Variants in IL18 observed in about 807,000 individuals in gnomAD.
IL18 encodes the protein interleukin 18, also known as interleukin-18.
In IL18, 8 loss-of-function variants were observed where a neutral mutation model predicts 14.2. That is an observed-to-expected ratio of 0.56 (90% CI 0.33 to 1.01). The LOEUF (loss-of-function observed/expected upper bound fraction) is 1.01, where lower values mean the gene tolerates loss of function less well. IL18 is among the 50% of genes least tolerant of loss of function. IL18 has a pLI of 0.03. For missense variants in IL18, 166 were observed against 231.1 expected (o/e 0.72, Z 1.83); for synonymous variants, 67 against 71.0 (o/e 0.94, Z 0.28).
intron 1 of IL18, 147 bp downstream of exon 1, chr11:112,163,759 C>T (rs1392830066): frequency 6.6e-6 from 1 of 152,280 alleles, no homozygotes; most frequent in African/African-American, 2.4e-5. Flanking sequence ...AAATTCTACT[C>T]TGACTTTGCT....
chr11:112,155,207 C>T, intron 1 of IL18, 146 bp from the exon 2 acceptor site: 1 of 530,310 alleles, frequency 1.9e-6, no homozygotes, highest in Non-Finnish European at 3.4e-6. Context: ...GAAGTTTCAG[C>T]TTATGAATAC....
chr11:112,148,386 T>C (rs1401602774), intron 5 of IL18, among the ~76,000 whole-genome samples: 1 of 152,206 alleles, frequency 6.6e-6, no homozygotes, highest in East Asian at 1.9e-4. Flanking sequence ...AGAAAAACCA[T>C]CATTATCACA....
intron 5 of IL18, among the ~76,000 whole-genome samples, chr11:112,146,899 T>C: frequency 6.7e-6 from 1 of 148,236 alleles, no homozygotes; most frequent in Admixed American, 6.7e-5. Context: ...TGAATTAAAT[T>C]ATTAAGCTTA....
intron 5 of IL18, among the ~76,000 whole-genome samples, chr11:112,144,979 TGGGCAC>T (rs1431773105): frequency 6.6e-6 from 1 of 152,246 alleles, no homozygotes; most frequent in African/African-American, 2.4e-5. Context: ...TCAGAACATG[TGGGCAC>T]CACCTAAGGT....
At chr11:112,159,526 G>A (rs937354155) in intron 1 of IL18, among the ~76,000 whole-genome samples, 1 of 152,164 alleles carries the variant, frequency 6.6e-6, no homozygotes, top group Admixed American at 6.6e-5. Context: ...ACAGAAGAAG[G>A]AGGAACTGAG....
At chr11:112,148,512 A>C (rs1379692790) in intron 5 of IL18, 91 bp downstream of exon 5, 13 of 654,172 alleles carry the variant, frequency 2.0e-5, no homozygotes, top group Non-Finnish European at 2.7e-5. Context: ...TTCTAATTAC[A>C]TTACTTATAT....
rs201790534 is a variant in IL18, at chr11:112,154,968, G to A, written c.79+7C>T. On this transcript the variant is annotated splice_region_variant and intron_variant, in intron 2 of 5. Transcript: ENST00000280357. ...ACCTGGTATTTGTTCTATGGCATTAGCCTTACCTATAAAGTAAAGCGTATT... is the reference window on the plus strand; with the variant it reads ...ACCTGGTATTTGTTCTATGGCATTAACCTTACCTATAAAGTAAAGCGTATT... 4.5e-6 allele frequency: 7 copies of A among 1,564,314 alleles called. No homozygotes were observed. The highest frequency in any genetic ancestry group is 5.3e-6 in the Non-Finnish European group (6 of 1,135,292).
chr11:112,147,849 A>G (rs1474668856), intron 5 of IL18, among the ~76,000 whole-genome samples: 1 of 152,152 alleles, frequency 6.6e-6, no homozygotes, highest in Non-Finnish European at 1.5e-5. Flanking sequence ...TTCTCCTCTG[A>G]AGCATTGCCA....
At chr11:112,157,033 C>A (rs1397740535) in intron 1 of IL18, among the ~76,000 whole-genome samples, 1 of 151,990 alleles carries the variant, frequency 6.6e-6, no homozygotes, top group African/African-American at 2.4e-5. Flanking sequence ...AAAATCAGAA[C>A]AATAATGACT....
chr11:112,162,994 AT>A (rs1364294997), intron 1 of IL18, among the ~76,000 whole-genome samples: 2 of 152,108 alleles, frequency 1.3e-5, no homozygotes, highest in Non-Finnish European at 2.9e-5. Flanking sequence ...CTGGTCTCAA[AT>A]TCCTGGGCTC....
chr11:112,143,456 A>AT lies in IL18; in HGVS notation c.*139dup, dbSNP rs1448976782. 3.4e-6 allele frequency: 2 copies of AT among 580,062 alleles called. No homozygotes were observed. Among genetic ancestry groups the AT allele is most frequent in the African/African-American group, 3.8e-5 (2 of 53,236 alleles). 35.9% of individuals were successfully genotyped at this position (580,062 alleles called of 1,614,324 possible). ...TCACTACACTCAGCTAATTTTTTGT[A>AT]TTTTTAGTAGAGATGAGGTTTCACC... On this transcript the variant is annotated 3_prime_UTR_variant, in exon 6 of 6. Coordinates refer to ENST00000280357, the MANE Select transcript of IL18 (RefSeq NM_001562.4).
chr11:112,163,741 A>C (rs1237204967), intron 1 of IL18, among the ~76,000 whole-genome samples, 165 bp downstream of exon 1: 1 of 152,198 alleles, frequency 6.6e-6, no homozygotes, highest in Non-Finnish European at 1.5e-5. Context: ...ATATCTGATA[A>C]AAGAAAAAAA....
At chr11:112,150,269 A>G (rs569845224) in intron 3 of IL18, 63 bp from the exon 4 acceptor site, 2 of 1,110,390 alleles carry the variant, frequency 1.8e-6, no homozygotes, top group East Asian at 4.9e-5. Flanking sequence ...ACAAATAAGT[A>G]TGCTATATAT....
At chr11:112,149,345 C>T (rs1044468604) in intron 4 of IL18, among the ~76,000 whole-genome samples, 7 of 151,930 alleles carry the variant, frequency 4.6e-5, no homozygotes, top group African/African-American at 1.5e-4. Context: ...TTACAACACA[C>T]ACGCTGCAAC....
intron 3 of IL18, chr11:112,153,345 A>T (rs1866479992): frequency 2.7e-6 from 1 of 372,194 alleles, no homozygotes; most frequent in Non-Finnish European, 4.9e-6. Context: ...GGCAAAGTCT[A>T]TTTTGTAGAT....
chr11:112,147,221 C>T (rs148638692), intron 5 of IL18, among the ~76,000 whole-genome samples: 57 of 152,308 alleles, frequency 3.7e-4, no homozygotes, highest in Middle Eastern at 3.4e-3. Flanking sequence ...TGAGCCACCA[C>T]GCCCAGCCAC....
chr11:112,145,776 G>A (rs1308376706), intron 5 of IL18, among the ~76,000 whole-genome samples: 1 of 150,320 alleles, frequency 6.7e-6, no homozygotes, highest in African/African-American at 2.5e-5. Context: ...AAAAAAGAAA[G>A]TTACAGTTGA....
At chr11:112,145,612 G>A (rs1397171025) in intron 5 of IL18, among the ~76,000 whole-genome samples, 6 of 152,204 alleles carry the variant, frequency 3.9e-5, no homozygotes, top group Middle Eastern at 3.4e-3. Flanking sequence ...GGTGGCAGGC[G>A]CCTGTAGTCC....
chr11:112,146,117 C>T (rs1249097146), intron 5 of IL18, among the ~76,000 whole-genome samples: 2 of 149,994 alleles, frequency 1.3e-5, no homozygotes, highest in Non-Finnish European at 3.0e-5. Flanking sequence ...CTCCCAAGTG[C>T]ACTGGAAAGT....
Sources: allele counts gnomAD v4.1 joint callset (sites outside exome capture counted in the v4.1 genomes callset), GRCh38; gene constraint gnomAD v4.1.1; transcripts MANE v1.5; gene names NCBI Gene and HGNC (gene_info 2026-07-23, HGNC 2026-07-21).